UBAP2: variants seen among roughly 807,000 people sequenced by gnomAD.
The protein encoded by UBAP2 is ubiquitin-associated protein 2.
A neutral mutation model predicts 139.6 loss-of-function variants in UBAP2; 75 were observed. The observed-to-expected ratio is 0.54, with a 90% confidence interval of 0.45 to 0.65. UBAP2 has a LOEUF of 0.65. Among genes scored for constraint, UBAP2 ranks in the 30% least tolerant of loss-of-function variants. The pLI is 0.00. For missense variants in UBAP2, 1,368 were observed against 1,369.6 expected (o/e 1.00, Z 0.02); for synonymous variants, 526 against 526.2 (o/e 1.00, Z 0.01).
At position 33,923,335 on chromosome 9, in the gene UBAP2, G is replaced by A. The variant is rs767660710; in HGVS notation, c.2897-42C>T. On this transcript the variant is annotated intron_variant, in intron 25 of 28. Coordinates refer to ENST00000379238, the MANE Select transcript of UBAP2 (RefSeq NM_001370062.2). ...CAAGAGGCAAGTGTGAGCCAGGCAA[G>A]CCTGTCTAACCCCATGTGTCTCTGT... 59 of 1,613,896 alleles carry A rather than the reference G, an allele frequency of 3.7e-5. No homozygotes were observed. In the Middle Eastern group the frequency reaches 1.2e-3, roughly 32 times the overall value.
Position 33,922,765 on chromosome 9 carries a change from T to TG in UBAP2, c.3185dup (p.Pro1063ThrfsTer89). On this transcript the variant is annotated frameshift_variant, in exon 28 of 29. Coordinates refer to ENST00000379238, the MANE Select transcript of UBAP2 (RefSeq NM_001370062.2). LOFTEE classifies it high-confidence loss of function. ...GGGCTGGCAAGATGTGTAGGAATGG[T>TG]GGGGGTGCATAGCCAGGGGCCGCTC... is the stretch of plus-strand genomic sequence containing the variant. 1 of 1,559,166 alleles carries TG rather than the reference T, an allele frequency of 6.4e-7. No homozygotes were observed. Among genetic ancestry groups the TG allele is most frequent in the Admixed American group, 1.9e-5 (1 of 52,550 alleles).
At chr9:34,020,228 C>T (rs1481788857) in intron 1 of UBAP2, among the ~76,000 whole-genome samples, 3 of 151,378 alleles carry the variant, frequency 2.0e-5, no homozygotes, top group South Asian at 4.2e-4. Flanking sequence ...ATCATCAATA[C>T]TACCGTCTTC....
chr9:34,047,450 G>A (rs1011802291), intron 1 of UBAP2, among the ~76,000 whole-genome samples: 1 of 151,794 alleles, frequency 6.6e-6, no homozygotes, highest in African/African-American at 2.4e-5. Context: ...ACACACCAAT[G>A]TAGGATACGG....
intron 14 of UBAP2, 148 bp downstream of exon 14, chr9:33,944,217 C>T: frequency 1.9e-6 from 2 of 1,061,146 alleles, no homozygotes; most frequent in South Asian, 3.1e-5. Context: ...TCTGGTCACT[C>T]AGAAATGGCC....
intron 2 of UBAP2, among the ~76,000 whole-genome samples, chr9:34,005,968 T>C (rs966238083): frequency 1.3e-5 from 2 of 152,078 alleles, no homozygotes; most frequent in African/African-American, 4.8e-5. Context: ...TGGTGGCTCA[T>C]GCCTATAATC....
At chr9:34,048,672 G>C (rs1335699088) in intron 1 of UBAP2, among the ~76,000 whole-genome samples, 153 bp downstream of exon 1, 3 of 152,216 alleles carry the variant, frequency 2.0e-5, no homozygotes, top group Non-Finnish European at 4.4e-5. Flanking sequence ...CCGTGGACCT[G>C]GCGAGTGAAG....
chr9:34,024,915 C>T (rs557682886), intron 1 of UBAP2, among the ~76,000 whole-genome samples: 2 of 151,588 alleles, frequency 1.3e-5, no homozygotes, highest in South Asian at 2.1e-4. Context: ...ACCCGAGAGG[C>T]GGAGGTTGCA....
chr9:33,968,559 T>G (rs1007798076), intron 8 of UBAP2: 1 of 372,114 alleles, frequency 2.7e-6, no homozygotes, highest in South Asian at 2.5e-5. Context: ...AAATCCCACG[T>G]GCCACTCAGA....
At chr9:33,955,096 A>G (rs1320933150) in intron 11 of UBAP2, among the ~76,000 whole-genome samples, 1 of 152,174 alleles carries the variant, frequency 6.6e-6, no homozygotes, top group African/African-American at 2.4e-5. Context: ...CTCAAATAAA[A>G]TAAGAGATCT....
chr9:34,037,224 G>A (rs1179374732), intron 1 of UBAP2, among the ~76,000 whole-genome samples: 1 of 151,996 alleles, frequency 6.6e-6, no homozygotes, highest in African/African-American at 2.4e-5. Flanking sequence ...TCCTGACCTC[G>A]TGATCCGCCC....
In UBAP2 at chr9:33,926,644, G is replaced by C. The variant is rs967133901; in HGVS notation, c.2484C>G (p.Leu828=). 9.3e-6 allele frequency: 15 copies of C among 1,614,164 alleles called. No homozygotes were observed. Among genetic ancestry groups the C allele is most frequent in the Middle Eastern group, 3.3e-4 (2 of 6,062 alleles). Residue 828 remains leucine, a synonymous_variant, in exon 22 of 29, where the codon CTC becomes CTG. Coordinates refer to ENST00000379238, the MANE Select transcript of UBAP2 (RefSeq NM_001370062.2). ...CTGGCAGCCGTGACTGCAGCATCTG[G>C]AGCTCGTCATAGCCATAGATCTGTG... is the stretch of plus-strand genomic sequence containing the variant. ...PAYPIYGYDE[L]QMLQSRLPVD... is the part of the protein sequence containing the mutation.
chr9:34,002,084 G>A (rs552126265), intron 2 of UBAP2, among the ~76,000 whole-genome samples: 1 of 151,594 alleles, frequency 6.6e-6, no homozygotes, highest in African/African-American at 2.4e-5. Context: ...AGCCTCCTGA[G>A]TAGCAACCAT....
At chr9:33,930,518 T>C (rs1203949280) in intron 19 of UBAP2, among the ~76,000 whole-genome samples, 2 of 151,786 alleles carry the variant, frequency 1.3e-5, no homozygotes, top group African/African-American at 4.8e-5. Context: ...GATACACTTG[T>C]GGGGATACAC....
At chr9:34,016,287 GGAGGAGGAA>G (rs1361517178) in intron 2 of UBAP2, among the ~76,000 whole-genome samples, 123 of 14,760 alleles carry the variant, frequency 8.3e-3, no homozygotes, top group African/African-American at 0.014. Flanking sequence ...AGGAAGAGGA[GGAGGAGGAA>G]GAGGAGGAAG....
At position 33,981,835 on chromosome 9, in the gene UBAP2, G is replaced by A. The variant is rs1235242593; in HGVS notation, c.520+4925C>T. 6.8e-5 allele frequency among the ~76,000 whole-genome samples: 8 copies of A among 117,708 alleles called. No homozygotes were observed. The South Asian group carries it at 2.4e-3, about 36-fold the overall frequency. The allele number at this position is 117,708 out of a possible 152,430, so 77.2% of individuals were successfully genotyped here. The stretch of plus-strand genomic sequence containing the variant: ...GGAAGGGGGGAAGCGGGGAAGGAGG[G>A]AAGGGGGGAAAGGGAGGGAGGGAAG... On this transcript the variant is annotated intron_variant, in intron 6 of 28. Transcript: ENST00000379238.
intron 1 of UBAP2, among the ~76,000 whole-genome samples, chr9:34,020,107 C>T (rs1281594043): frequency 6.7e-6 from 1 of 150,154 alleles, no homozygotes; most frequent in Non-Finnish European, 1.5e-5. Flanking sequence ...TTGCAGTGAG[C>T]CCACTGCACT....
intron 2 of UBAP2, among the ~76,000 whole-genome samples, chr9:34,007,572 T>C (rs1295439191): frequency 2.0e-5 from 3 of 152,082 alleles, no homozygotes; most frequent in South Asian, 2.1e-4. Flanking sequence ...CAAAGGGATG[T>C]TGAATTTTTT....
chr9:33,994,326 A>T (rs1214549207), intron 4 of UBAP2, among the ~76,000 whole-genome samples: 5 of 152,238 alleles, frequency 3.3e-5, no homozygotes, highest in Admixed American at 1.3e-4. Context: ...AAACTACCAG[A>T]GAAAAGGAAT....
chr9:33,993,926 G>C (rs1230960154), intron 4 of UBAP2, among the ~76,000 whole-genome samples: 1 of 136,114 alleles, frequency 7.3e-6, no homozygotes, highest in Non-Finnish European at 1.5e-5. Flanking sequence ...ACCGAGTCTC[G>C]CACTGTCGCC....
Sources: gnomAD v4.1 joint callset for allele counts (sites outside exome capture counted in the v4.1 genomes callset) on GRCh38, gnomAD v4.1.1 for gene constraint, MANE v1.5 for transcripts, NCBI Gene and HGNC (gene_info 2026-07-23, HGNC 2026-07-21) for gene names.